POR: variants seen among roughly 807,000 people sequenced by gnomAD.
POR encodes the protein NADPH--cytochrome P450 reductase.
POR carries 56 observed loss-of-function variants against 84.0 expected under a neutral mutation model. That is an observed-to-expected ratio of 0.67 (90% CI 0.54 to 0.83). The LOEUF (loss-of-function observed/expected upper bound fraction) is 0.83, where lower values mean the gene tolerates loss of function less well. POR is among the 40% of genes least tolerant of loss of function. The pLI, the probability that POR is intolerant of heterozygous loss-of-function variation, is 0.00. For synonymous variants in POR, 414 were observed against 400.5 expected (o/e 1.03, Z -0.40); for missense variants, 938 against 944.3 (o/e 0.99, Z 0.09).
chr7:75,948,471 C>T (rs1363352522), intron 1 of POR, among the ~76,000 whole-genome samples: 2 of 152,136 alleles, frequency 1.3e-5, no homozygotes, highest in Non-Finnish European at 2.9e-5. Context: ...TCCTTACAGG[C>T]GTGAGACTGT....
rs947444963 is a variant in POR at position 75,976,234 on chromosome 7, G to A, written c.238-3217G>A. ...TTTCTCTTCTATTAAGTATTTTTAC[G>A]GTGATTATTTTAAAATATCCTTTTG... On this transcript the variant is annotated intron_variant, in intron 3 of 15. Coordinates refer to ENST00000461988, the MANE Select transcript of POR (RefSeq NM_000941.3). 2.6e-5 allele frequency among the ~76,000 whole-genome samples: 4 copies of A among 151,920 alleles called. No individual in the cohort carries two copies. In the East Asian group the frequency reaches 5.8e-4, roughly 22 times the overall value.
rs781951813 is a variant in POR at position 75,985,865 on chromosome 7, T to G, written c.1669+16T>G. 3.2e-6 allele frequency: 5 copies of G among 1,550,308 alleles called. No homozygotes were observed. The South Asian group carries it at 6.0e-5, about 19-fold the overall frequency. ...CGACAGCAGGGTGAGTGGGGTCCCA[T>G]GGGGGAGAGGGGGTGACGACTGGGA... On this transcript the variant is annotated intron_variant, in intron 13 of 15. Coordinates refer to ENST00000461988, the MANE Select transcript of POR (RefSeq NM_000941.3).
At chr7:75,979,832 C>T (rs868979282) in intron 4 of POR, 3 of 475,524 alleles carry the variant, frequency 6.3e-6, no homozygotes. Context: ...TGCCGGCTGC[C>T]CTCCTGGCGG....
At chr7:75,954,218 T>G (rs781804435) in intron 2 of POR, 38 bp downstream of exon 2, 2 of 1,551,838 alleles carry the variant, frequency 1.3e-6, no homozygotes, top group African/African-American at 2.7e-5. Flanking sequence ...TCTGTCCCTC[T>G]TCTGTCACCA....
chr7:75,945,153 C>T (rs1787120159), intron 1 of POR, among the ~76,000 whole-genome samples: 1 of 151,950 alleles, frequency 6.6e-6, no homozygotes, highest in South Asian at 2.1e-4. Context: ...TGGTGAGGCA[C>T]ACCTGTAGTC....
intron 2 of POR, chr7:75,968,061 T>G: frequency 2.2e-6 from 1 of 455,208 alleles, no homozygotes; most frequent in South Asian, 1.6e-5. Context: ...CCTTAAGTCC[T>G]GGAGCTGAGA....
chr7:75,953,164 C>G (rs575310837), intron 1 of POR, among the ~76,000 whole-genome samples: 209 of 152,126 alleles, frequency 1.4e-3, no homozygotes, highest in African/African-American at 4.8e-3. Flanking sequence ...CAAAAAAATA[C>G]GAGAACCAGT....
At chr7:75,966,695 C>T (rs528740120) in intron 2 of POR, among the ~76,000 whole-genome samples, 82 of 152,206 alleles carry the variant, frequency 5.4e-4, no homozygotes, top group Non-Finnish European at 9.0e-4. Context: ...AGAAATGTTC[C>T]TCAGCGTCGC....
At chr7:75,982,748 C>T (rs1199538727) in intron 8 of POR, among the ~76,000 whole-genome samples, 2 of 152,234 alleles carry the variant, frequency 1.3e-5, no homozygotes, top group Admixed American at 6.5e-5. Context: ...GGGAAGTCCT[C>T]GTGCCACTGC....
rs149849940 is a variant in POR at position 75,938,412 on chromosome 7, A to G, written c.-4-15577A>G. ...CAGCTTCCCCAGGGCCAAACACCTTAGACTGGCATACAGGCCCCTAGGCCC... is the reference window on the plus strand; with the variant it reads ...CAGCTTCCCCAGGGCCAAACACCTTGGACTGGCATACAGGCCCCTAGGCCC... On this transcript the variant is annotated intron_variant, in intron 1 of 15. Transcript: ENST00000461988. Among the ~76,000 whole-genome samples the G allele has an allele frequency of 5.1e-3, 772 of 152,248 alleles. 6 individuals carry two copies. Among genetic ancestry groups the G allele is most frequent in the Non-Finnish European group, 6.8e-3 (464 of 68,006 alleles).
chr7:75,958,818 C>T (rs1022940709), intron 2 of POR, among the ~76,000 whole-genome samples: 1 of 151,694 alleles, frequency 6.6e-6, no homozygotes, highest in Non-Finnish European at 1.5e-5. Flanking sequence ...CACCCCCCCG[C>T]CATCTCTACA....
rs782055061 is a variant in POR at position 75,982,339 on chromosome 7, T to C, written c.830+17T>C. On this transcript the variant is annotated intron_variant, in intron 8 of 15. Coordinates refer to ENST00000461988, the MANE Select transcript of POR (RefSeq NM_000941.3). Reference sequence around the variant, plus strand: ...CCAGAAGCCGTGAGTGGAGGGAGCGTGGCTTGGGGCAGACGGCTCTATGGC... The same window carrying C: ...CCAGAAGCCGTGAGTGGAGGGAGCGCGGCTTGGGGCAGACGGCTCTATGGC... 9.4e-6 allele frequency: 15 copies of C among 1,599,836 alleles called. No homozygotes were observed. In the South Asian group the frequency reaches 1.6e-4, roughly 17 times the overall value.
chr7:75,926,211 G>A (rs1188422466), intron 1 of POR, among the ~76,000 whole-genome samples: 1 of 151,660 alleles, frequency 6.6e-6, no homozygotes, highest in Non-Finnish European at 1.5e-5. Flanking sequence ...TGCCCAGGCC[G>A]ATCTCAAACT....
intron 1 of POR, chr7:75,943,915 C>CA: frequency 2.2e-6 from 1 of 461,276 alleles, no homozygotes; most frequent in Non-Finnish European, 4.2e-6. Flanking sequence ...CCTGCAACAT[C>CA]TTTTAAGGGA....
chr7:75,972,550 C>T, intron 3 of POR, 89 bp downstream of exon 3: 1 of 1,250,974 alleles, frequency 8.0e-7, no homozygotes, highest in African/African-American at 1.5e-5. Context: ...GGCGTCACCG[C>T]ATAGAGGATG....
At chr7:75,982,420 T>C in intron 8 of POR, 98 bp downstream of exon 8, 2 of 997,380 alleles carry the variant, frequency 2.0e-6, no homozygotes, top group South Asian at 1.5e-5. Context: ...CACAGGGCCC[T>C]TCTCACCAGA....
chr7:75,985,447 T>C, intron 12 of POR, 132 bp from the exon 13 acceptor site: 13 of 1,235,504 alleles, frequency 1.1e-5, no homozygotes, highest in Non-Finnish European at 1.4e-5. Context: ...GGAGGGGGCC[T>C]CTGAGGTTTG....
In POR at chr7:75,958,397, C is replaced by T. The variant is rs534322200; in HGVS notation, c.188+4217C>T. On this transcript the variant is annotated intron_variant, in intron 2 of 15. Transcript: ENST00000461988. ...CCTCCCAAAGTGCTGGGATTACAGG[C>T]GTGAGCCACCATGCCTGGAGTGTGT... Among the ~76,000 whole-genome samples, 20 of 152,194 alleles carry T rather than the reference C, an allele frequency of 1.3e-4. No individual in the cohort carries two copies. In the East Asian group the frequency reaches 2.7e-3, roughly 21 times the overall value.
chr7:75,950,610 CCT>C (rs1787370566), intron 1 of POR, among the ~76,000 whole-genome samples: 1 of 152,274 alleles, frequency 6.6e-6, no homozygotes, highest in African/African-American at 2.4e-5. Context: ...ATCCTAAATG[CCT>C]CTCTGTCTGG....
Sources: allele counts gnomAD v4.1 joint callset (sites outside exome capture counted in the v4.1 genomes callset), GRCh38; gene constraint gnomAD v4.1.1; transcripts MANE v1.5; gene names NCBI Gene and HGNC (gene_info 2026-07-23, HGNC 2026-07-21).